The following SGK2 variants were observed in gnomAD, a reference collection of about 807,000 sequenced individuals.
SGK2 encodes serine/threonine-protein kinase Sgk2.
In SGK2, 36 loss-of-function variants were observed where a neutral mutation model predicts 47.5. That is an observed-to-expected ratio of 0.76 (90% confidence interval 0.58 to 1.00). SGK2 has a LOEUF of 1.00. Among genes scored for constraint, SGK2 ranks in the 50% least tolerant of loss-of-function variants. The pLI is 0.00. For missense variants in SGK2, 404 were observed against 467.4 expected (o/e 0.86, Z 1.25); for synonymous variants, 157 against 181.9 (o/e 0.86, Z 1.10).
chr20:43,569,915 T>G (rs1979992318), intron 6 of SGK2, among the ~76,000 whole-genome samples: 1 of 152,312 alleles, frequency 6.6e-6, no homozygotes. Context: ...GGCCACCTGG[T>G]GACCCAGAAG....
intron 8 of SGK2, among the ~76,000 whole-genome samples, chr20:43,571,435 G>A (rs1980123412): frequency 6.6e-6 from 1 of 152,132 alleles, no homozygotes; most frequent in Non-Finnish European, 1.5e-5. Context: ...AAACAGGATT[G>A]GGCAAAGGAA....
At chr20:43,569,020 G>GAAAT (rs1327901953) in intron 5 of SGK2, among the ~76,000 whole-genome samples, 7 of 152,140 alleles carry the variant, frequency 4.6e-5, no homozygotes, top group African/African-American at 1.7e-4. Flanking sequence ...CCAGGAAGAG[G>GAAAT]AAATAGCATG....
At chr20:43,566,314 C>G in intron 1 of SGK2, 159 bp from the exon 2 acceptor site, 1 of 1,605,496 alleles carries the variant, frequency 6.2e-7, no homozygotes, top group African/African-American at 1.3e-5. Flanking sequence ...CTTGTTCCAT[C>G]CATGCAGGGG....
intron 11 of SGK2, among the ~76,000 whole-genome samples, chr20:43,577,448 T>C (rs1452149810): frequency 6.7e-6 from 1 of 148,762 alleles, no homozygotes; most frequent in Non-Finnish European, 1.5e-5. Context: ...TCCTCCCGAG[T>C]TCAAGCGATT....
At chr20:43,570,568 C>G (rs530431462) in intron 6 of SGK2, 49 bp from the exon 7 acceptor site, 2 of 1,314,456 alleles carry the variant, frequency 1.5e-6, no homozygotes, top group East Asian at 2.3e-5. Context: ...GCACCCTAGC[C>G]CTACAGCAGC....
intron 1 of SGK2, among the ~76,000 whole-genome samples, chr20:43,564,224 G>C (rs574620981): frequency 9.2e-5 from 14 of 152,370 alleles, no homozygotes; most frequent in Non-Finnish European, 8.8e-5. Flanking sequence ...GGCCAACCAG[G>C]CCTGCCCTGA....
intron 12 of SGK2, 42 bp from the exon 13 acceptor site, chr20:43,584,810 T>C: frequency 6.3e-7 from 1 of 1,585,912 alleles, no homozygotes; most frequent in Non-Finnish European, 8.6e-7. Context: ...TTGGCAGCTC[T>C]GACCCCGGTG....
At chr20:43,578,464 C>T (rs909535898) in intron 11 of SGK2, among the ~76,000 whole-genome samples, 1 of 151,696 alleles carries the variant, frequency 6.6e-6, no homozygotes, top group Admixed American at 6.6e-5. Flanking sequence ...ACTCCAGCCT[C>T]GGCAACAGAG....
intron 12 of SGK2, chr20:43,583,350 T>C: frequency 1.6e-6 from 2 of 1,278,810 alleles, no homozygotes; most frequent in Non-Finnish European, 2.0e-6. Context: ...CCTGGTTTTG[T>C]CACCTACCAT....
intron 6 of SGK2, 85 bp from the exon 7 acceptor site, chr20:43,570,532 G>T (rs974585510): frequency 2.4e-6 from 2 of 850,760 alleles, no homozygotes; most frequent in Non-Finnish European, 3.8e-6. Context: ...GAGTGAGCTC[G>T]CAGCCGCACA....
chr20:43,565,395 T>C (rs1248198107), intron 1 of SGK2: 2 of 152,360 alleles, frequency 1.3e-5, no homozygotes, highest in African/African-American at 4.8e-5. Context: ...ACGTCTGGCA[T>C]TGGCTAGGGG....
In SGK2 at chr20:43,559,029, TC is replaced by T. The variant is rs776082086; in HGVS notation, c.-152del. The T allele has an allele frequency of 6.6e-6, 1 of 152,224 alleles. No individual in the cohort carries two copies. The highest frequency in any genetic ancestry group is 1.5e-5 in the Non-Finnish European group (1 of 68,134). The allele number at this position is 152,224 out of a possible 1,614,324, so 9.4% of individuals were successfully genotyped here. A position where few individuals can be genotyped will look rare whatever the true frequency, so the allele number is the denominator to read the frequency against. On this transcript the variant is annotated 5_prime_UTR_variant, in exon 1 of 13. Transcript: ENST00000373100. ...CAGGAGCGAGTGGGTGACAGGTCATTCCTGACTGGGAAGGTTGCTTGACAAG... is the reference window on the plus strand; with the variant it reads ...CAGGAGCGAGTGGGTGACAGGTCATTCTGACTGGGAAGGTTGCTTGACAAG...
rs1417993186 is a variant in SGK2, at chr20:43,585,036, C to A, written c.*20C>A. 1.9e-6 allele frequency: 3 copies of A among 1,605,472 alleles called. No individual in the cohort carries two copies. The highest frequency in any genetic ancestry group is 1.7e-5 in the Admixed American group (1 of 59,340). The stretch of plus-strand genomic sequence containing the variant: ...TGCTAGAAGAGAAGGACCTGTGAAA[C>A]TACTGAGGCCAGCTGGTATTAGTAA... On this transcript the variant is annotated 3_prime_UTR_variant, in exon 13 of 13. Coordinates refer to ENST00000373100, the MANE Select transcript of SGK2 (RefSeq NM_170693.3).
At chr20:43,583,336 GA>G in intron 12 of SGK2, 1 of 1,280,348 alleles carries the variant, frequency 7.8e-7, no homozygotes, top group Non-Finnish European at 1.0e-6. Flanking sequence ...TCCGGAGCTG[GA>G]TTCCTGGTTT....
chr20:43,583,610 CAG>C, intron 12 of SGK2: 1 of 985,438 alleles, frequency 1.0e-6, no homozygotes, highest in Non-Finnish European at 1.2e-6. Flanking sequence ...GCCTCCTCCA[CAG>C]AGAGACTGTA....
rs113543110 is a variant in SGK2 at position 43,572,865 on chromosome 20, CT to C, written c.597+738del. 2.1e-4 allele frequency among the ~76,000 whole-genome samples: 31 copies of C among 149,542 alleles called. No individual in the cohort carries two copies. The highest frequency in any genetic ancestry group is 1.4e-3 in the East Asian group (7 of 5,132). ...TAAAACTGGTTGAAATATTTTATTC[CT>C]TTTTTTTTTCTAACTAAGTCTTGAA... is the stretch of plus-strand genomic sequence containing the variant. On this transcript the variant is annotated intron_variant, in intron 9 of 12. Transcript: ENST00000373100. The surrounding 1 kb of genome is among the most constrained non-coding windows in gnomAD (Gnocchi z 4.2).
intron 5 of SGK2, 91 bp downstream of exon 5, chr20:43,568,090 TC>T: frequency 9.9e-7 from 1 of 1,008,252 alleles, no homozygotes; most frequent in Non-Finnish European, 1.6e-6. Flanking sequence ...CTCTGACAGG[TC>T]CATGGGCCTG....
intron 1 of SGK2, 123 bp from the exon 2 acceptor site, chr20:43,566,350 C>G: frequency 6.2e-7 from 1 of 1,613,332 alleles, no homozygotes; most frequent in Non-Finnish European, 8.5e-7. Context: ...AGGAAACCCT[C>G]AGGCGGTGGC....
chr20:43,570,920 T>A, intron 7 of SGK2, 104 bp from the exon 8 acceptor site: 1 of 1,565,708 alleles, frequency 6.4e-7, no homozygotes, highest in African/African-American at 1.4e-5. Context: ...TCTGGCAACC[T>A]CCATGAATAG....
Sources: allele counts gnomAD v4.1 joint callset (sites outside exome capture counted in the v4.1 genomes callset), GRCh38; gene constraint gnomAD v4.1.1; non-coding constraint Gnocchi (gnomAD v3.1); transcripts MANE v1.5; gene names NCBI Gene and HGNC (gene_info 2026-07-23, HGNC 2026-07-21).